The following MEI4 variants were observed in gnomAD, a reference collection of about 807,000 sequenced individuals.
MEI4 encodes the protein meiotic double-stranded break formation protein 4.
In MEI4, 27 loss-of-function variants were observed where a neutral mutation model predicts 31.4. The observed-to-expected ratio is 0.86, with a 90% confidence interval of 0.63 to 1.19. The LOEUF (loss-of-function observed/expected upper bound fraction) is 1.19, where lower values mean the gene tolerates loss of function less well. Ranked by LOEUF, MEI4 falls within the 50% of genes most tolerant of loss-of-function variation. MEI4 has a pLI of 0.00. For synonymous variants in MEI4, 122 were observed against 145.4 expected (o/e 0.84, Z 1.16); for missense variants, 329 against 398.9 (o/e 0.82, Z 1.49).
intron 4 of MEI4, among the ~76,000 whole-genome samples, chr6:77,914,370 A>C (rs1472197327): frequency 6.6e-6 from 1 of 151,974 alleles, no homozygotes; most frequent in African/African-American, 2.4e-5. Flanking sequence ...TCAGGCACAT[A>C]TTATTTAATT....
Position 77,820,455 on chromosome 6 carries a change from A to G in MEI4, c.769-8476A>G, listed in dbSNP as rs1769796000. 6.6e-6 allele frequency among the ~76,000 whole-genome samples: 1 copy of G among 152,146 alleles called. No homozygotes were observed. The highest frequency in any genetic ancestry group is 1.9e-4 in the East Asian group (1 of 5,162). ...TAATTTTGTGTATTTTAGTAGAGAC[A>G]GGGTTTCACCGTGTTGCCCAGGCTG... On this transcript the variant is annotated intron_variant, in intron 3 of 4. Transcript: ENST00000684080. This position sits in a 1 kb window ranked among gnomAD's most constrained non-coding sequence, Gnocchi z 4.5.
intron 1 of MEI4, among the ~76,000 whole-genome samples, chr6:77,684,769 G>T (rs149065974): frequency 4.6e-5 from 7 of 152,234 alleles, no homozygotes; most frequent in Non-Finnish European, 7.4e-5. Flanking sequence ...TACACAATTA[G>T]GTTGTTTCCA....
chr6:77,760,472 C>G (rs1304782359), intron 2 of MEI4, among the ~76,000 whole-genome samples: 1 of 152,068 alleles, frequency 6.6e-6, no homozygotes, highest in Non-Finnish European at 1.5e-5. Flanking sequence ...GATCTGGCCT[C>G]TATATTATTT....
At position 77,905,428 on chromosome 6, in the gene MEI4, A is replaced by G. The variant is rs114479410; in HGVS notation, c.901-17661A>G. On this transcript the variant is annotated intron_variant, in intron 4 of 4. Transcript: ENST00000684080. ...ATGTAATTAGACACCTTTGCCATTTATATATCAGAAAATTTATATCTTTCT... is the reference window on the plus strand; with the variant it reads ...ATGTAATTAGACACCTTTGCCATTTGTATATCAGAAAATTTATATCTTTCT... Among the ~76,000 whole-genome samples the G allele has an allele frequency of 5.0e-3, 714 of 144,184 alleles. 3 individuals carry two copies. Among genetic ancestry groups the G allele is most frequent in the African/African-American group, 0.017 (684 of 39,686 alleles). The allele number at this position is 144,184 out of a possible 152,430, so 94.6% of individuals were successfully genotyped here. A position where few individuals can be genotyped will look rare whatever the true frequency, so the allele number is the denominator to read the frequency against.
At chr6:77,677,285 T>C (rs1171746285) in intron 1 of MEI4, among the ~76,000 whole-genome samples, 1 of 152,176 alleles carries the variant, frequency 6.6e-6, no homozygotes, top group African/African-American at 2.4e-5. Flanking sequence ...ATCCATCTCT[T>C]TTCTGAGCTC....
At position 77,712,183 on chromosome 6, in the gene MEI4, A is replaced by G. The variant is rs147411935; in HGVS notation, c.232+21280A>G. Among the ~76,000 whole-genome samples, 1,460 of 152,308 alleles carry G rather than the reference A, an allele frequency of 9.6e-3. 23 individuals carry two copies. Among genetic ancestry groups the G allele is most frequent in the African/African-American group, 0.032 (1,338 of 41,564 alleles). On this transcript the variant is annotated intron_variant, in intron 2 of 4. Coordinates refer to ENST00000684080, the MANE Select transcript of MEI4 (RefSeq NM_001322247.2). ...TTAAGAGGGTACTTTGTTTGTTTGC[A>G]TATACACACACATACACATATCTAC... is the stretch of plus-strand genomic sequence containing the variant.
At chr6:77,756,097 C>G (rs1411842900) in intron 2 of MEI4, among the ~76,000 whole-genome samples, 1 of 152,016 alleles carries the variant, frequency 6.6e-6, no homozygotes, top group Non-Finnish European at 1.5e-5. Context: ...CTCAGTCATA[C>G]AAGCAAAGAA....
At chr6:77,898,711 G>C (rs1422264531) in intron 4 of MEI4, among the ~76,000 whole-genome samples, 1 of 151,936 alleles carries the variant, frequency 6.6e-6, no homozygotes, top group Non-Finnish European at 1.5e-5. Context: ...ATATTTTACA[G>C]CATTAAATAT....
rs143575149 is a variant in MEI4 at position 77,857,042 on chromosome 6, G to A, written c.900+27980G>A. On this transcript the variant is annotated intron_variant, in intron 4 of 4. Transcript: ENST00000684080. The stretch of plus-strand genomic sequence containing the variant: ...CTGTGTGTATTCCATTTTTATAGCC[G>A]CAAATTTTTCTTTCTAGAATCCATT... Among the ~76,000 whole-genome samples, 224 of 152,106 alleles carry A rather than the reference G, an allele frequency of 1.5e-3. 1 individual carries two copies. The highest frequency in any genetic ancestry group is 4.5e-3 in the African/African-American group (188 of 41,508).
chr6:77,874,949 A>C (rs1465556529), intron 4 of MEI4, among the ~76,000 whole-genome samples: 2 of 152,214 alleles, frequency 1.3e-5, no homozygotes, highest in African/African-American at 4.8e-5. Flanking sequence ...CAGGAAGTTT[A>C]AAAGCTTCAC....
rs556289391 is a variant in MEI4, at chr6:77,863,897, C to T, written c.900+34835C>T. 2.6e-5 allele frequency among the ~76,000 whole-genome samples: 4 copies of T among 152,318 alleles called. No homozygotes were observed. The East Asian group carries it at 7.7e-4, about 29-fold the overall frequency. On this transcript the variant is annotated intron_variant, in intron 4 of 4. Coordinates refer to ENST00000684080, the MANE Select transcript of MEI4 (RefSeq NM_001322247.2). Reference sequence around the variant, plus strand: ...AGCTGATCTCTTGGCAGAAACTCTACAAGCCAAAAGAGAGTGGGGGCCAAT... The same window carrying T: ...AGCTGATCTCTTGGCAGAAACTCTATAAGCCAAAAGAGAGTGGGGGCCAAT...
intron 2 of MEI4, among the ~76,000 whole-genome samples, chr6:77,693,909 G>C (rs1028678015): frequency 6.6e-6 from 1 of 152,074 alleles, no homozygotes; most frequent in African/African-American, 2.4e-5. Context: ...TGAGTGTGTA[G>C]AGACAGAAAG....
chr6:77,788,634 G>T (rs966764905), intron 3 of MEI4, among the ~76,000 whole-genome samples: 3 of 151,950 alleles, frequency 2.0e-5, no homozygotes, highest in African/African-American at 7.2e-5. Flanking sequence ...GCCGAATCAT[G>T]AGTGAACTCC....
intron 2 of MEI4, among the ~76,000 whole-genome samples, chr6:77,737,956 A>T (rs1162006088): frequency 1.3e-5 from 2 of 152,210 alleles, no homozygotes; most frequent in Non-Finnish European, 2.9e-5. Context: ...AGTAGCAAGG[A>T]AGGAAAGCTG....
At chr6:77,905,798 C>CTT (rs1385534021) in intron 4 of MEI4, among the ~76,000 whole-genome samples, 85 of 139,790 alleles carry the variant, frequency 6.1e-4, no homozygotes, top group African/African-American at 2.2e-3. Context: ...GCCGGGCCAG[C>CTT]TTTTTTTTTT....
intron 2 of MEI4, among the ~76,000 whole-genome samples, chr6:77,750,534 T>G (rs1304420383): frequency 6.6e-6 from 1 of 152,128 alleles, no homozygotes; most frequent in Non-Finnish European, 1.5e-5. Context: ...GGCCATTACA[T>G]AATGGTAAAG....
At chr6:77,652,872 A>G (rs537062634), upstream of MEI4, among the ~76,000 whole-genome samples, 3 of 152,336 alleles carry the variant, frequency 2.0e-5, no homozygotes, top group East Asian at 3.9e-4. Flanking sequence ...TCCAACTGCA[A>G]TTGTGATAAC....
chr6:77,698,913 C>T (rs967200700), intron 2 of MEI4, among the ~76,000 whole-genome samples: 14 of 152,168 alleles, frequency 9.2e-5, no homozygotes, highest in Admixed American at 1.3e-4. Flanking sequence ...ACCAATCAGA[C>T]GTAGATTTGG....
chr6:77,925,899 T>G lies in MEI4; in HGVS notation c.*2553T>G, dbSNP rs1766832880. 1.3e-5 allele frequency: 2 copies of G among 150,978 alleles called. No individual in the cohort carries two copies. Among genetic ancestry groups the G allele is most frequent in the Admixed American group, 1.3e-4 (2 of 15,064 alleles). The allele number at this position is 150,978 out of a possible 1,614,324, so 9.4% of individuals were successfully genotyped here. A position where few individuals can be genotyped will look rare whatever the true frequency, so the allele number is the denominator to read the frequency against. ...TAATAAATACCAAATAGCCAGGTACTTACCTAAGCATTTTACATATATTAA... is the reference window on the plus strand; with the variant it reads ...TAATAAATACCAAATAGCCAGGTACGTACCTAAGCATTTTACATATATTAA... On this transcript the variant is annotated 3_prime_UTR_variant, in exon 5 of 5. Coordinates refer to ENST00000684080, the MANE Select transcript of MEI4 (RefSeq NM_001322247.2).
Sources: allele counts gnomAD v4.1 joint callset (sites outside exome capture counted in the v4.1 genomes callset), GRCh38; gene constraint gnomAD v4.1.1; non-coding constraint Gnocchi (gnomAD v3.1); transcripts MANE v1.5; gene names NCBI Gene and HGNC (gene_info 2026-07-23, HGNC 2026-07-21).